MYO1B: variants seen among roughly 807,000 people sequenced by gnomAD.
MYO1B encodes myosin IB, also known as unconventional myosin-Ib.
Under a neutral mutation model 159.7 loss-of-function variants are expected in MYO1B, and 72 were observed. The ratio of observed to expected loss-of-function variants is 0.45; its 90% CI spans 0.37 to 0.55. The LOEUF (loss-of-function observed/expected upper bound fraction) is 0.55. Ranked by LOEUF, MYO1B falls within the 20% of genes least tolerant of loss-of-function variation. The probability of loss-of-function intolerance (pLI) is 0.00; values close to 1 mark genes in which losing one functional copy is unlikely to be tolerated. For synonymous variants in MYO1B, 468 were observed against 473.8 expected (o/e 0.99, Z 0.16); for missense variants, 1,062 against 1,364.8 (o/e 0.78, Z 3.50).
intron 3 of MYO1B, among the ~76,000 whole-genome samples, chr2:191,329,146 AG>A: frequency 6.6e-6 from 1 of 152,294 alleles, no homozygotes; most frequent in Non-Finnish European, 1.5e-5. Flanking sequence ...TCAATTAGCT[AG>A]AAGGGGCAAA....
intron 29 of MYO1B, among the ~76,000 whole-genome samples, chr2:191,415,677 T>C (rs1180755564): frequency 6.6e-6 from 1 of 152,068 alleles, no homozygotes; most frequent in Non-Finnish European, 1.5e-5. Context: ...AGGATATTTG[T>C]TGGAAGTGTT....
rs183896736 is a variant in MYO1B at position 191,267,281 on chromosome 2, A to C, written c.-9-9606A>C. On this transcript the variant is annotated intron_variant, in intron 1 of 30. Coordinates refer to ENST00000392318, the MANE Select transcript of MYO1B (RefSeq NM_001130158.3). ...CTATTGGATTTCTTCATTGCCTGGT[A>C]ATTTCATGTCCTTTGTATTAGCCAG... is the stretch of plus-strand genomic sequence containing the variant. Among the ~76,000 whole-genome samples, 8 of 152,302 alleles carry C rather than the reference A, an allele frequency of 5.3e-5. No individual in the cohort carries two copies. In the East Asian group the frequency reaches 1.3e-3, roughly 26 times the overall value.
At chr2:191,274,427 G>A (rs769637666) in intron 1 of MYO1B, among the ~76,000 whole-genome samples, 23 of 152,186 alleles carry the variant, frequency 1.5e-4, no homozygotes, top group Non-Finnish European at 3.4e-4. Context: ...AAGCTGTGTT[G>A]TCTTTCTGCA....
intron 2 of MYO1B, among the ~76,000 whole-genome samples, chr2:191,279,178 A>G (rs1687911073): frequency 6.6e-6 from 1 of 152,238 alleles, no homozygotes; most frequent in Non-Finnish European, 1.5e-5. Context: ...ATTCATATCA[A>G]TTAATGTTTT....
At chr2:191,272,732 T>C (rs1687526874) in intron 1 of MYO1B, among the ~76,000 whole-genome samples, 1 of 152,182 alleles carries the variant, frequency 6.6e-6, no homozygotes, top group Admixed American at 6.5e-5. Context: ...TTTTTCAAAT[T>C]CTCTAATGCC....
At chr2:191,293,236 C>G (rs1479954379) in intron 2 of MYO1B, among the ~76,000 whole-genome samples, 1 of 152,178 alleles carries the variant, frequency 6.6e-6, no homozygotes, top group African/African-American at 2.4e-5. Flanking sequence ...AAAACTCTAT[C>G]TTTAAAGTAA....
chr2:191,382,098 A>G (rs1402942628), intron 14 of MYO1B, among the ~76,000 whole-genome samples: 2 of 152,150 alleles, frequency 1.3e-5, no homozygotes, highest in African/African-American at 4.8e-5. Flanking sequence ...ATTTAAAAAT[A>G]TATATTTGCT....
At chr2:191,296,070 G>A in intron 2 of MYO1B, 41 bp from the exon 3 acceptor site, 1 of 1,177,020 alleles carries the variant, frequency 8.5e-7, no homozygotes, top group South Asian at 1.5e-5. Context: ...AATACATTTT[G>A]TGTACTAACT....
At chr2:191,247,178 A>T (rs943705519) in intron 1 of MYO1B, among the ~76,000 whole-genome samples, 1 of 152,100 alleles carries the variant, frequency 6.6e-6, no homozygotes, top group African/African-American at 2.4e-5. Flanking sequence ...GTCGGACTGA[A>T]GGTTAGCATT....
chr2:191,249,163 C>G (rs1424914563), intron 1 of MYO1B, among the ~76,000 whole-genome samples: 1 of 152,194 alleles, frequency 6.6e-6, no homozygotes, highest in East Asian at 1.9e-4. Flanking sequence ...ATCTTACAGC[C>G]TTTAATAGAA....
intron 22 of MYO1B, 33 bp from the exon 23 acceptor site, chr2:191,400,716 C>T (rs1696557618): frequency 6.2e-7 from 1 of 1,610,406 alleles, no homozygotes; most frequent in Non-Finnish European, 8.5e-7. Flanking sequence ...CTGCCTTAAA[C>T]TTTTCTGTAA....
chr2:191,258,132 A>G (rs1415006048), intron 1 of MYO1B, among the ~76,000 whole-genome samples: 2 of 152,224 alleles, frequency 1.3e-5, no homozygotes, highest in African/African-American at 2.4e-5. Flanking sequence ...CGCAAACACC[A>G]CAAAGTGGAC....
At chr2:191,381,315 G>C (rs927703193) in intron 13 of MYO1B, 147 bp from the exon 14 acceptor site, 1 of 712,650 alleles carries the variant, frequency 1.4e-6, no homozygotes, top group Admixed American at 2.0e-5. Context: ...ATGGGCAAGC[G>C]TCTGTCCTAG....
chr2:191,287,914 C>A (rs1181236986), intron 2 of MYO1B, among the ~76,000 whole-genome samples: 3 of 147,782 alleles, frequency 2.0e-5, no homozygotes, highest in Admixed American at 1.4e-4. Flanking sequence ...TTATTCCAGT[C>A]GTAACTACTC....
At chr2:191,287,455 GGGAGGT>G (rs1688444107) in intron 2 of MYO1B, among the ~76,000 whole-genome samples, 1 of 152,016 alleles carries the variant, frequency 6.6e-6, no homozygotes, top group Non-Finnish European at 1.5e-5. Flanking sequence ...GCTTGAACCA[GGGAGGT>G]GGAGGTTGCA....
At chr2:191,255,194 G>A (rs1246194619) in intron 1 of MYO1B, among the ~76,000 whole-genome samples, 2 of 152,166 alleles carry the variant, frequency 1.3e-5, no homozygotes, top group South Asian at 2.1e-4. Context: ...CTCTTGAAGT[G>A]TTAGGATTAC....
intron 2 of MYO1B, among the ~76,000 whole-genome samples, chr2:191,281,218 T>C (rs1345062466): frequency 6.6e-6 from 1 of 152,200 alleles, no homozygotes; most frequent in East Asian, 1.9e-4. Context: ...TAGCCATCTG[T>C]GGCCTGGTTG....
At chr2:191,317,962 T>C (rs1424694405) in intron 3 of MYO1B, among the ~76,000 whole-genome samples, 1 of 152,208 alleles carries the variant, frequency 6.6e-6, no homozygotes, top group Non-Finnish European at 1.5e-5. Context: ...ATTTTATTTC[T>C]TTTTTTGCAT....
At chr2:191,357,335 C>T (rs948253089) in intron 7 of MYO1B, among the ~76,000 whole-genome samples, 1 of 152,318 alleles carries the variant, frequency 6.6e-6, no homozygotes, top group African/African-American at 2.4e-5. Flanking sequence ...AAAGCCCCTA[C>T]ATAACGGCCA....
Sources: gnomAD v4.1 joint callset for allele counts (sites outside exome capture counted in the v4.1 genomes callset) on GRCh38, gnomAD v4.1.1 for gene constraint, MANE v1.5 for transcripts, NCBI Gene and HGNC (gene_info 2026-07-23, HGNC 2026-07-21) for gene names.